Variants in PCBP3 observed in about 807,000 individuals in gnomAD.
PCBP3 encodes poly(rC) binding protein 3, also known as poly(rC)-binding protein 3.
In PCBP3, 25 loss-of-function variants were observed where a neutral mutation model predicts 52.7. The ratio of observed to expected loss-of-function variants is 0.47; its 90% CI spans 0.35 to 0.66. PCBP3 has a LOEUF of 0.66. PCBP3 is among the 30% of genes least tolerant of loss of function. The probability of loss-of-function intolerance (pLI) is 0.01; values close to 1 mark genes in which losing one functional copy is unlikely to be tolerated. For synonymous variants in PCBP3, 162 were observed against 183.0 expected (o/e 0.89, Z 0.93); for missense variants, 391 against 490.3 (o/e 0.80, Z 1.91).
intron 5 of PCBP3, chr21:45,870,969 G>A (rs2094979265): frequency 6.4e-6 from 1 of 155,748 alleles, no homozygotes; most frequent in South Asian, 1.8e-4. Flanking sequence ...CCAGGAAATG[G>A]GGGCCCCCAG....
At chr21:45,918,078 A>C in intron 13 of PCBP3, 2 of 232,380 alleles carry the variant, frequency 8.6e-6, no homozygotes, top group South Asian at 6.0e-5. Flanking sequence ...CCCCTTTCAG[A>C]GTCCACATGA....
intron 4 of PCBP3, among the ~76,000 whole-genome samples, chr21:45,842,966 GT>G (rs1337534865): frequency 6.6e-6 from 1 of 152,190 alleles, no homozygotes; most frequent in Non-Finnish European, 1.5e-5. Context: ...TCTTGAGACT[GT>G]TTTTTTCCAG....
At position 45,891,177 on chromosome 21, in the gene PCBP3, G is replaced by A. The variant is rs373152487; in HGVS notation, c.11-5031G>A. Among the ~76,000 whole-genome samples, 27 of 135,896 alleles carry A rather than the reference G, an allele frequency of 2.0e-4. 1 individual carries two copies. Among genetic ancestry groups the A allele is most frequent in the East Asian group, 1.9e-3 (7 of 3,602 alleles). The allele number at this position is 135,896 out of a possible 152,430, so 89.2% of individuals were successfully genotyped here. A position where few individuals can be genotyped will look rare whatever the true frequency, so the allele number is the denominator to read the frequency against. The stretch of plus-strand genomic sequence containing the variant: ...GGGGAATGTAGATAGTGGAACCGCC[G>A]TGCCGCAGTCTTGAACAGTTTCTTA... On this transcript the variant is annotated intron_variant, in intron 5 of 17. Transcript: ENST00000681687.
intron 2 of PCBP3, among the ~76,000 whole-genome samples, chr21:45,691,005 C>T (rs532867221): frequency 1.4e-4 from 21 of 152,046 alleles, no homozygotes; most frequent in South Asian, 1.2e-3. Flanking sequence ...CTAACCATTC[C>T]GCTCCCAGAT....
chr21:45,725,739 GGGGCTGCCTGGA>G (rs2084979518), intron 2 of PCBP3, among the ~76,000 whole-genome samples: 1 of 152,054 alleles, frequency 6.6e-6, no homozygotes, highest in African/African-American at 2.4e-5. Flanking sequence ...GAGTGGCTGA[GGGGCTGCCTGGA>G]GGGTGGGCAA....
At chr21:45,678,165 C>T (rs9983545) in intron 2 of PCBP3, among the ~76,000 whole-genome samples, 1 of 152,042 alleles carries the variant, frequency 6.6e-6, no homozygotes, top group Admixed American at 6.6e-5. Flanking sequence ...CACGGTGAAA[C>T]CCCGTCTCTA....
At chr21:45,700,976 C>T (rs1272897457) in intron 2 of PCBP3, among the ~76,000 whole-genome samples, 1 of 152,190 alleles carries the variant, frequency 6.6e-6, no homozygotes, top group Admixed American at 6.5e-5. Flanking sequence ...CTTCTCAGAA[C>T]AGCACAGTGT....
chr21:45,738,847 C>G (rs2086105343), intron 3 of PCBP3, among the ~76,000 whole-genome samples: 1 of 143,926 alleles, frequency 6.9e-6, no homozygotes, highest in Non-Finnish European at 1.5e-5. Flanking sequence ...CCACCCCTTC[C>G]TGTCCACGGT....
chr21:45,644,768 G>T (rs1257605153), intron 1 of PCBP3, among the ~76,000 whole-genome samples: 1 of 152,166 alleles, frequency 6.6e-6, no homozygotes, highest in East Asian at 1.9e-4. Context: ...GCAGGGCCTT[G>T]CGGAGAGGCC....
chr21:45,739,889 A>G (rs1603359456), intron 3 of PCBP3, among the ~76,000 whole-genome samples: 2 of 152,216 alleles, frequency 1.3e-5, no homozygotes, highest in African/African-American at 2.4e-5. Context: ...CCCAGTGTCC[A>G]TGTGGTAGAA....
chr21:45,851,170 G>A (rs1860721098), intron 5 of PCBP3, among the ~76,000 whole-genome samples: 1 of 152,120 alleles, frequency 6.6e-6, no homozygotes, highest in Admixed American at 6.5e-5. Context: ...AAAATTCACA[G>A]CCCTGAAAGC....
At chr21:45,847,065 C>A (rs1338116886) in intron 4 of PCBP3, among the ~76,000 whole-genome samples, 2 of 152,126 alleles carry the variant, frequency 1.3e-5, no homozygotes, top group Non-Finnish European at 2.9e-5. Flanking sequence ...ATTTATTGTG[C>A]ATCTTTTTAT....
chr21:45,926,986 C>A (rs777396942), intron 13 of PCBP3, among the ~76,000 whole-genome samples: 2 of 152,038 alleles, frequency 1.3e-5, no homozygotes, highest in Non-Finnish European at 2.9e-5. Flanking sequence ...CTTGAGAAGT[C>A]AGCAAAAATC....
At chr21:45,814,852 GGTGA>G (rs2092820131) in intron 4 of PCBP3, among the ~76,000 whole-genome samples, 1 of 122,544 alleles carries the variant, frequency 8.2e-6, no homozygotes, top group African/African-American at 3.6e-5. Flanking sequence ...ATGAGTGAGT[GGTGA>G]GTGATGAGTG....
At chr21:45,877,851 C>T (rs2095304710) in intron 5 of PCBP3, among the ~76,000 whole-genome samples, 2 of 152,190 alleles carry the variant, frequency 1.3e-5, no homozygotes, top group African/African-American at 4.8e-5. Context: ...GGGGGTACAC[C>T]CCCCTGCCCC....
intron 5 of PCBP3, among the ~76,000 whole-genome samples, chr21:45,882,769 T>G (rs2095432512): frequency 6.6e-6 from 1 of 152,198 alleles, no homozygotes; most frequent in Non-Finnish European, 1.5e-5. Flanking sequence ...CAACACCGTT[T>G]ATTGAAGAAA....
At chr21:45,764,180 T>TGGCGCAATCTTGGCTC (rs1281070593) in intron 4 of PCBP3, among the ~76,000 whole-genome samples, 1 of 151,066 alleles carries the variant, frequency 6.6e-6, no homozygotes, top group Non-Finnish European at 1.5e-5. Context: ...TGGAGTGCAA[T>TGGCGCAATCTTGGCTC]GGCGCAATCT....
chr21:45,887,673 A>G (rs1017433349), intron 5 of PCBP3, among the ~76,000 whole-genome samples: 1 of 152,178 alleles, frequency 6.6e-6, no homozygotes, highest in Non-Finnish European at 1.5e-5. Flanking sequence ...CCGGGCACCT[A>G]CTTTTTGAAT....
chr21:45,725,961 G>A (rs1015358147), intron 2 of PCBP3, among the ~76,000 whole-genome samples: 4 of 152,152 alleles, frequency 2.6e-5, no homozygotes, highest in Admixed American at 6.5e-5. Flanking sequence ...CACCCTCAGG[G>A]CAGTGGACAG....
Sources: allele counts gnomAD v4.1 joint callset (sites outside exome capture counted in the v4.1 genomes callset), GRCh38; gene constraint gnomAD v4.1.1; transcripts MANE v1.5; gene names NCBI Gene and HGNC (gene_info 2026-07-23, HGNC 2026-07-21).